Variants in CEP72 observed in about 807,000 individuals in gnomAD.
The protein encoded by CEP72 is centrosomal protein of 72 kDa.
In CEP72, 78 loss-of-function variants were observed where a neutral mutation model predicts 65.7. The observed-to-expected ratio is 1.19, with a 90% CI of 0.99 to 1.43. The LOEUF is 1.43. Ranked by LOEUF, CEP72 falls within the 40% of genes most tolerant of loss-of-function variation. CEP72 has a pLI of 0.00. For synonymous variants in CEP72, 358 were observed against 351.7 expected (o/e 1.02, Z -0.20); for missense variants, 914 against 832.9 (o/e 1.10, Z -1.20).
intron 11 of CEP72, among the ~76,000 whole-genome samples, chr5:649,743 G>A (rs1173551205): frequency 1.5e-5 from 1 of 67,992 alleles, no homozygotes; most frequent in Admixed American, 1.5e-4. Context: ...ACTGTGAGGC[G>A]TGGACTGTGA....
chr5:625,817 C>G (rs575925818), intron 4 of CEP72, among the ~76,000 whole-genome samples: 5 of 152,298 alleles, frequency 3.3e-5, no homozygotes, highest in African/African-American at 1.2e-4. Context: ...CCCTCCAGCC[C>G]TGCTCTCACA....
intron 11 of CEP72, among the ~76,000 whole-genome samples, chr5:652,480 G>A (rs1298552282): frequency 6.6e-6 from 1 of 152,140 alleles, no homozygotes; most frequent in Admixed American, 6.5e-5. Flanking sequence ...GTGACAAAGT[G>A]GGTAAAATGT....
At chr5:656,036 A>G (rs1423414041), downstream of CEP72, among the ~76,000 whole-genome samples, 1 of 152,136 alleles carries the variant, frequency 6.6e-6, no homozygotes, top group Non-Finnish European at 1.5e-5. Flanking sequence ...AGGATTTTAT[A>G]GTTTTGTATA....
chr5:615,779 AT>A (rs1451469833), intron 1 of CEP72, among the ~76,000 whole-genome samples: 1 of 151,840 alleles, frequency 6.6e-6, no homozygotes, highest in African/African-American at 2.4e-5. Context: ...TTACTCGAAT[AT>A]TTTTAGTATC....
At chr5:639,967 C>T (rs900756384) in intron 8 of CEP72, among the ~76,000 whole-genome samples, 2 of 152,228 alleles carry the variant, frequency 1.3e-5, no homozygotes, top group Admixed American at 6.5e-5. Flanking sequence ...CCATAAACCT[C>T]CCCTCTCCCT....
At chr5:646,269 A>T (rs539415770) in intron 10 of CEP72, among the ~76,000 whole-genome samples, 10 of 151,506 alleles carry the variant, frequency 6.6e-5, no homozygotes, top group Non-Finnish European at 1.2e-4. Context: ...TGAGTTCAGA[A>T]CCCTCTTTTC....
the CEP72 span, among the ~76,000 whole-genome samples, chr5:675,141 G>A: frequency 0.07 from 3,679 of 52,732 alleles, 391 homozygotes; most frequent in African/African-American, 0.27. Context: ...CAGGGGTGCA[G>A]TGTGGCCAGG....
intron 9 of CEP72, chr5:642,749 A>G (rs1193074854): frequency 2.0e-6 from 2 of 985,220 alleles, no homozygotes; most frequent in Non-Finnish European, 2.4e-6. Context: ...GCGGGTAAGG[A>G]GCAGTCAGCA....
rs776206996 is a variant in CEP72 at position 633,831 on chromosome 5, C to T, written c.575C>T (p.Ala192Val). Reference sequence around the variant, plus strand: ...GCCAAGCAGAGCCTGGTCATGGATGCGGATGACGAGGCAGTCCTGAACCTC... The same window carrying T: ...GCCAAGCAGAGCCTGGTCATGGATGTGGATGACGAGGCAGTCCTGAACCTC... ...ALAKQSLVMD[A>V]DDEAVLNLIA... Residue 192 changes from alanine to valine, a missense_variant, in exon 5 of 12, where the codon GCG becomes GTG. By Grantham distance (64) the Ala-to-Val change is moderately conservative (BLOSUM62 0). Coordinates refer to ENST00000264935, the MANE Select transcript of CEP72 (RefSeq NM_018140.4). 6.8e-6 allele frequency: 11 copies of T among 1,614,020 alleles called. No homozygotes were observed. The highest frequency in any genetic ancestry group is 5.3e-5 in the African/African-American group (4 of 75,054).
At chr5:647,075 G>A (rs1170699987) in intron 10 of CEP72, among the ~76,000 whole-genome samples, 4 of 152,214 alleles carry the variant, frequency 2.6e-5, no homozygotes, top group East Asian at 1.9e-4. Context: ...TTCACGCGGC[G>A]TGGCCTTCAC....
intron 8 of CEP72, among the ~76,000 whole-genome samples, chr5:640,178 T>C (rs1737909631): frequency 6.6e-6 from 1 of 152,188 alleles, no homozygotes; most frequent in African/African-American, 2.4e-5. Context: ...GGCCCCTGGT[T>C]GCCCCTTTTC....
In CEP72 at chr5:619,023, A is replaced by T; in HGVS notation, c.116A>T (p.Tyr39Phe). ...ELQSLSIPGTYQEKITHLGHS... is the reference protein window; with the variant it reads ...ELQSLSIPGTFQEKITHLGHS... ...CAGTCATTGTCTATTCCTGGAACTT[A>T]CCAAGAGAAGATCACCCACCTGGGA... The change falls in exon 2 of 12, where the codon TAC (tyrosine) becomes TTC (phenylalanine). Residue 39 changes from tyrosine (Y) to phenylalanine (F), a missense_variant. Coordinates refer to ENST00000264935, the MANE Select transcript of CEP72 (RefSeq NM_018140.4). The T allele has an allele frequency of 6.2e-7, 1 of 1,612,290 alleles. No individual in the cohort carries two copies. Among genetic ancestry groups the T allele is most frequent in the Non-Finnish European group, 8.5e-7 (1 of 1,178,298 alleles).
At chr5:666,156 C>A in intron 4 of CEP72, 1 of 1,538,380 alleles carries the variant, frequency 6.5e-7, no homozygotes, top group African/African-American at 1.7e-5. Flanking sequence ...GGGCTGGGCG[C>A]GGGCCGGCCC....
Position 652,869 on chromosome 5 carries a change from G to A in CEP72, c.1779-119G>A, listed in dbSNP as rs553592897. The A allele has an allele frequency of 8.1e-6, 9 of 1,114,694 alleles. No homozygotes were observed. In the Admixed American group the frequency reaches 2.3e-4, roughly 28 times the overall value. 69.1% of individuals were successfully genotyped at this position (1,114,694 alleles called of 1,614,324 possible). ...GTGATGGGGCCACAGAGATAGGTCT[G>A]TGTGCAGGGCCAGGGCACCTTCGTG... is the stretch of plus-strand genomic sequence containing the variant. On this transcript the variant is annotated intron_variant, in intron 11 of 11. Transcript: ENST00000264935.
rs1007746960 is a variant in CEP72 at position 643,136 on chromosome 5, T to C, written c.1540-1163T>C. The C allele has an allele frequency of 6.2e-6, 6 of 973,010 alleles. No individual in the cohort carries two copies. The African/African-American group carries it at 1.1e-4, about 17-fold the overall frequency. The allele number at this position is 973,010 out of a possible 1,614,324, so 60.3% of individuals were successfully genotyped here. A position where few individuals can be genotyped will look rare whatever the true frequency, so the allele number is the denominator to read the frequency against. On this transcript the variant is annotated intron_variant, in intron 9 of 11. Transcript: ENST00000264935. ...AGGTAGAGGCAGGAGGCTCAGGAGT[T>C]GGGGGCTGCAGTGAGCTGTGATTGC...
At chr5:648,521 G>T (rs1290100340) in intron 11 of CEP72, among the ~76,000 whole-genome samples, 1 of 84,174 alleles carries the variant, frequency 1.2e-5, no homozygotes. Context: ...GGACTGTGAG[G>T]TGTGACTGTG....
chr5:672,217 G>T, the CEP72 span, among the ~76,000 whole-genome samples: 405 of 152,314 alleles, frequency 2.7e-3, 3 homozygotes, highest in African/African-American at 9.1e-3. Flanking sequence ...GGCCGGGGGG[G>T]TGTACCAGGC....
Position 619,128 on chromosome 5 carries a change from G to C in CEP72, c.210+11G>C. The C allele has an allele frequency of 2.5e-6, 4 of 1,605,082 alleles. No homozygotes were observed. Among genetic ancestry groups the C allele is most frequent in the Non-Finnish European group, 3.4e-6 (4 of 1,174,196 alleles). ...TTGGTTAGTCTGGAGGTAAGTTTTA[G>C]GTCTCTTTCTTAAAATTTATTGCTA... On this transcript the variant is annotated intron_variant, in intron 2 of 11. Coordinates refer to ENST00000264935, the MANE Select transcript of CEP72 (RefSeq NM_018140.4).
At chr5:670,074 T>C (rs1740156029), downstream of CEP72, among the ~76,000 whole-genome samples, 1 of 137,986 alleles carries the variant, frequency 7.2e-6, no homozygotes, top group Admixed American at 7.4e-5. Context: ...CTTCCCAGGC[T>C]CTGAGTCCCC....
Sources: allele counts gnomAD v4.1 joint callset (sites outside exome capture counted in the v4.1 genomes callset), GRCh38; gene constraint gnomAD v4.1.1; transcripts MANE v1.5; gene names NCBI Gene and HGNC (gene_info 2026-07-23, HGNC 2026-07-21).